Variants in ALS2CL observed in about 807,000 individuals in gnomAD.
The protein encoded by ALS2CL is ALS2 C-terminal like, also known as ALS2 C-terminal-like protein.
ALS2CL carries 112 observed loss-of-function variants against 127.9 expected under a neutral mutation model. The ratio of observed to expected loss-of-function variants is 0.88; its 90% CI spans 0.75 to 1.02. The LOEUF is 1.02. Among genes scored for constraint, ALS2CL ranks in the 50% least tolerant of loss-of-function variants. ALS2CL has a pLI of 0.00. For missense variants in ALS2CL, 1,174 were observed against 1,236.7 expected (o/e 0.95, Z 0.76); for synonymous variants, 519 against 527.6 (o/e 0.98, Z 0.22).
rs1314669897 is a variant in ALS2CL, at chr3:46,672,318, T to C, written c.2473-117A>G. 4.6e-6 allele frequency: 6 copies of C among 1,302,564 alleles called. No homozygotes were observed. In the African/African-American group the frequency reaches 5.9e-5, roughly 13 times the overall value. The allele number at this position is 1,302,564 out of a possible 1,614,324, so 80.7% of individuals were successfully genotyped here. A position where few individuals can be genotyped will look rare whatever the true frequency, so the allele number is the denominator to read the frequency against. On this transcript the variant is annotated intron_variant, in intron 22 of 25. Transcript: ENST00000318962. The stretch of plus-strand genomic sequence containing the variant: ...CCCTTCCCTTCACTGCCAGCTTTAG[T>C]GCAGCCCCACCCTGAGGGCTGAGTG...
intron 7 of ALS2CL, 58 bp downstream of exon 7, chr3:46,685,467 C>T: frequency 4.4e-6 from 7 of 1,590,908 alleles, no homozygotes; most frequent in Non-Finnish European, 6.0e-6. Flanking sequence ...GCTCCTTTTC[C>T]AGCCAGACCC....
At chr3:46,680,228 A>G in intron 14 of ALS2CL, 2 of 579,318 alleles carry the variant, frequency 3.5e-6, no homozygotes, top group South Asian at 4.4e-5. Flanking sequence ...TGGGGAAACC[A>G]AGGTCAGGCA....
chr3:46,676,378 G>A lies in ALS2CL; in HGVS notation c.2053C>T (p.Leu685=), dbSNP rs541154632. ...ATCAGTGTCCGGAGCAGCTTTCCCA[G>A]GGGGTGCAGTGAGTTGCTCAGAGCC... is the stretch of plus-strand genomic sequence containing the variant. ...RKALSNSLHP[L]GKLLRTLMLT... is the part of the protein sequence containing the mutation. The change falls in exon 19 of 26, where the codon CTG becomes TTG. Residue 685 remains leucine, a synonymous_variant. Transcript: ENST00000318962. The A allele has an allele frequency of 5.0e-5, 80 of 1,613,926 alleles. 1 individual carries two copies. The South Asian group carries it at 7.5e-4, about 15-fold the overall frequency.
Position 46,683,300 on chromosome 3 carries a change from C to T in ALS2CL, c.939G>A (p.Trp313Ter). The T allele has an allele frequency of 1.3e-6, 2 of 1,595,614 alleles. No individual in the cohort carries two copies. The highest frequency in any genetic ancestry group is 8.5e-7 in the Non-Finnish European group (1 of 1,170,632). ...GQAVWQWKVT[W>*]AVHQALHGKK... ...TCCCATGCAGGGCCTGGTGAACAGCCCAGGTCACCTTCCACTGCCAGACTG... is the reference window on the plus strand; with the variant it reads ...TCCCATGCAGGGCCTGGTGAACAGCTCAGGTCACCTTCCACTGCCAGACTG... Residue 313 changes from tryptophan to a stop codon, truncating the protein, a stop_gained, in exon 10 of 26, where the codon TGG (tryptophan) becomes TGA (stop). Transcript: ENST00000318962. LOFTEE classifies it high-confidence loss of function.
chr3:46,672,275 G>T, intron 22 of ALS2CL, 74 bp from the exon 23 acceptor site: 2 of 1,557,304 alleles, frequency 1.3e-6, no homozygotes, highest in Non-Finnish European at 1.8e-6. Context: ...CCCAGGGCCG[G>T]GCCTGAGTCC....
chr3:46,682,340 A>T (rs1699419898), intron 10 of ALS2CL, among the ~76,000 whole-genome samples: 1 of 152,194 alleles, frequency 6.6e-6, no homozygotes, highest in Admixed American at 6.5e-5. Context: ...AAAGCCCTGG[A>T]GACATCTAGG....
Position 46,678,382 on chromosome 3 carries a change from A to G in ALS2CL, c.1634T>C (p.Val545Ala). The change falls in exon 16 of 26, where the codon GTC becomes GCC. Residue 545 changes from valine to alanine, a missense_variant. Physicochemically the swap from Val to Ala is moderately conservative, Grantham distance 64. Transcript: ENST00000318962. Reference protein sequence around the residue: ...RDLTLMGKGKVTFPNGFTLEG... With the variant: ...RDLTLMGKGKATFPNGFTLEG... ...CAGGGTGAAGCCATTGGGGAAGGTG[A>G]CCTTGCCCTGGGAGCCAGGAGAAGG... The G allele has an allele frequency of 6.2e-7, 1 of 1,611,672 alleles. No individual in the cohort carries two copies. The highest frequency in any genetic ancestry group is 8.5e-7 in the Non-Finnish European group (1 of 1,178,578).
chr3:46,675,654 C>A lies in ALS2CL; in HGVS notation c.2219G>T (p.Gly740Val). 6.2e-7 allele frequency: 1 copy of A among 1,613,752 alleles called. No homozygotes were observed. The highest frequency in any genetic ancestry group is 8.5e-7 in the Non-Finnish European group (1 of 1,180,010). Residue 740 changes from glycine (G) to valine (V), a missense_variant, in exon 20 of 26, where the codon GGC becomes GTC. Transcript: ENST00000318962. Reference sequence around the variant, plus strand: ...GTCTTCATCCTCCTCCAGGGCCTGGCCCTTGCGCTCTAAGGCAACTCGCAG... The same window carrying A: ...GTCTTCATCCTCCTCCAGGGCCTGGACCTTGCGCTCTAAGGCAACTCGCAG... ...GLLRVALERKGQALEEDEDTE... is the reference protein window; with the variant it reads ...GLLRVALERKVQALEEDEDTE...
At chr3:46,682,007 C>G (rs1205547473) in intron 11 of ALS2CL, 22 bp downstream of exon 11, 1 of 1,613,212 alleles carries the variant, frequency 6.2e-7, no homozygotes, top group Admixed American at 1.7e-5. Context: ...CGCCTCCCAG[C>G]AGTAGCCCCA....
At chr3:46,677,200 G>A in intron 16 of ALS2CL, 178 bp from the exon 17 acceptor site, 4 of 1,424,260 alleles carry the variant, frequency 2.8e-6, no homozygotes, top group Non-Finnish European at 3.7e-6. Flanking sequence ...CCAGGAGGAA[G>A]AGCAGCAGAG....
rs144964538 is a variant in ALS2CL, at chr3:46,681,556, G to A, written c.1218C>T (p.Phe406=). The A allele has an allele frequency of 1.5e-5, 24 of 1,613,984 alleles. No homozygotes were observed. Among genetic ancestry groups the A allele is most frequent in the African/African-American group, 1.2e-4 (9 of 74,922 alleles). Reference sequence around the variant, plus strand: ...CTCGCCAGTGACACTTGTAACAGTCGAACTTGTCCTCAGAGGCCTGGGGCA... The same window carrying A: ...CTCGCCAGTGACACTTGTAACAGTCAAACTTGTCCTCAGAGGCCTGGGGCA... ...RLLPQASEDK[F]DCYKCHWREG... Residue 406 remains phenylalanine, a synonymous_variant, in exon 12 of 26, where the codon TTC becomes TTT. Coordinates refer to ENST00000318962, the MANE Select transcript of ALS2CL (RefSeq NM_147129.5). This position sits in a 1 kb window ranked among gnomAD's most constrained non-coding sequence, Gnocchi z 4.9.
chr3:46,688,278 G>A lies in ALS2CL; in HGVS notation c.122C>T (p.Pro41Leu). ...LLPAAPDPSD[P>L]WGRECLRLLQ... ...GAGCCGCAGGCACTCTCTGCCCCAG[G>A]GATCCGAGGGATCTGGGGCTGGGGA... The change falls in exon 3 of 26, where the codon CCC (proline) becomes CTC (leucine). Residue 41 changes from proline to leucine, a missense_variant. Physicochemically the swap from Pro to Leu is moderately conservative, Grantham distance 98 (BLOSUM62 -3). Coordinates refer to ENST00000318962, the MANE Select transcript of ALS2CL (RefSeq NM_147129.5). The A allele has an allele frequency of 1.9e-6, 3 of 1,612,644 alleles. No homozygotes were observed. The highest frequency in any genetic ancestry group is 2.5e-6 in the Non-Finnish European group (3 of 1,179,896).
chr3:46,685,520 C>T lies in ALS2CL; in HGVS notation c.786+5G>A. The T allele has an allele frequency of 6.2e-7, 1 of 1,613,412 alleles. No homozygotes were observed. Among genetic ancestry groups the T allele is most frequent in the African/African-American group, 1.3e-5 (1 of 75,030 alleles). ...CTCAAGACCTTGGGTCAGCCCCACC[C>T]CAACCTGCAGCAGGACGAGGGCATC... On this transcript the variant is annotated splice_donor_5th_base_variant and intron_variant, in intron 7 of 25. Coordinates refer to ENST00000318962, the MANE Select transcript of ALS2CL (RefSeq NM_147129.5).
chr3:46,683,417 C>T, intron 9 of ALS2CL, 91 bp from the exon 10 acceptor site: 1 of 1,208,208 alleles, frequency 8.3e-7, no homozygotes, highest in Non-Finnish European at 1.2e-6. Context: ...GGTACCACCC[C>T]CTCCACCCTC....
chr3:46,673,326 G>T lies in ALS2CL; in HGVS notation c.2472+13C>A. 6.4e-7 allele frequency: 1 copy of T among 1,559,972 alleles called. No homozygotes were observed. Among genetic ancestry groups the T allele is most frequent in the East Asian group, 2.4e-5 (1 of 41,514 alleles). The stretch of plus-strand genomic sequence containing the variant: ...TGGGGGCCCCTGGCTTGGGGCTCTG[G>T]CCTCCCTCTCACCTGATTGCTCGTC... On this transcript the variant is annotated intron_variant, in intron 22 of 25. Transcript: ENST00000318962.
At position 46,686,215 on chromosome 3, in the gene ALS2CL, C is replaced by G; in HGVS notation, c.666+93G>C. On this transcript the variant is annotated intron_variant, in intron 6 of 25. Coordinates refer to ENST00000318962, the MANE Select transcript of ALS2CL (RefSeq NM_147129.5). The surrounding 1 kb of genome is among the most constrained non-coding windows in gnomAD (Gnocchi z 4.3). ...CCCCTTCCATATAGGGAAACTGAGG[C>G]CCAGAGAATACAGCAAGCAGCTCAA... 1 of 1,450,234 alleles carries G rather than the reference C, an allele frequency of 6.9e-7. No individual in the cohort carries two copies. Among genetic ancestry groups the G allele is most frequent in the South Asian group, 1.5e-5 (1 of 67,766 alleles). The allele number at this position is 1,450,234 out of a possible 1,614,324, so 89.8% of individuals were successfully genotyped here.
At position 46,681,864 on chromosome 3, in the gene ALS2CL, C is replaced by G. The variant is rs143867723; in HGVS notation, c.1175+165G>C. 2.6e-5 allele frequency among the ~76,000 whole-genome samples: 4 copies of G among 152,134 alleles called. No individual in the cohort carries two copies. The highest frequency in any genetic ancestry group is 5.9e-5 in the Non-Finnish European group (4 of 68,030). ...GAGACGGGCCCCCTATTCAGGCCCC[C>G]GGTTCCCCTTTGGTACAGTGGGCGG... On this transcript the variant is annotated intron_variant, in intron 11 of 25. Transcript: ENST00000318962. The surrounding 1 kb of genome is among the most constrained non-coding windows in gnomAD (Gnocchi z 4.9).
rs1168616526 is a variant in ALS2CL at position 46,686,289 on chromosome 3, C to T, written c.666+19G>A. ...ATGTGGAACCCCCTCCCTAACTGCC[C>T]CTCAGGCCCCCAACTCACCCTCAGC... is the stretch of plus-strand genomic sequence containing the variant. On this transcript the variant is annotated intron_variant, in intron 6 of 25. Transcript: ENST00000318962. This position sits in a 1 kb window ranked among gnomAD's most constrained non-coding sequence, Gnocchi z 4.3. 1.3e-6 allele frequency: 2 copies of T among 1,595,930 alleles called. No individual in the cohort carries two copies. The highest frequency in any genetic ancestry group is 2.7e-5 in the African/African-American group (2 of 74,362).
intron 1 of ALS2CL, 42 bp from the exon 2 acceptor site, chr3:46,689,507 G>C: frequency 7.4e-7 from 1 of 1,358,572 alleles, no homozygotes; most frequent in Non-Finnish European, 1.0e-6. Context: ...ACAGACAGGA[G>C]CAAGGCCAGT....
Sources: allele counts gnomAD v4.1 joint callset (sites outside exome capture counted in the v4.1 genomes callset), GRCh38; gene constraint gnomAD v4.1.1; non-coding constraint Gnocchi (gnomAD v3.1); transcripts MANE v1.5; gene names NCBI Gene and HGNC (gene_info 2026-07-23, HGNC 2026-07-21).